TRPM1: variants seen among roughly 807,000 people sequenced by gnomAD.
TRPM1 encodes transient receptor potential cation channel subfamily M member 1.
A neutral mutation model predicts 149.4 loss-of-function variants in TRPM1; 113 were observed. The observed-to-expected ratio is 0.76, with a 90% CI of 0.65 to 0.88. TRPM1 has a LOEUF of 0.88. Ranked by LOEUF, TRPM1 falls within the 40% of genes least tolerant of loss-of-function variation. The pLI is 0.00. For synonymous variants in TRPM1, 741 were observed against 759.5 expected, an observed-to-expected ratio of 0.98 and a Z score of 0.40; for missense variants, 1,976 against 2,038.7, an observed-to-expected ratio of 0.97 and a Z score of 0.59.
At chr15:31,020,161 T>C (rs2032507585) in intron 27 of TRPM1, among the ~76,000 whole-genome samples, 5 of 152,256 alleles carry the variant, frequency 3.3e-5, no homozygotes, top group Admixed American at 3.3e-4. Flanking sequence ...CTGTTTTCTA[T>C]TCAGGCCAGA....
intron 1 of TRPM1, among the ~76,000 whole-genome samples, chr15:31,083,602 G>A (rs1404667354): frequency 1.3e-5 from 2 of 152,166 alleles, no homozygotes; most frequent in African/African-American, 4.8e-5. Flanking sequence ...AGCACAAGCC[G>A]CCCAGCCTTA....
rs17228080 is a variant in TRPM1 at position 31,049,361 on chromosome 15, T to C, written c.1572+14A>G. 0.028 allele frequency: 45,033 copies of C among 1,614,122 alleles called. 1,165 individuals carry two copies. The highest frequency in any genetic ancestry group is 0.13 in the Admixed American group (7,578 of 60,028). ...GCTGCCTCCCGCTTCCTTCCCTTTT[T>C]CTAGAGCACTCACTGTGTTATAAAG... On this transcript the variant is annotated intron_variant, in intron 13 of 27. Coordinates refer to ENST00000256552, the MANE Select transcript of TRPM1 (RefSeq NM_001252024.2).
intron 1 of TRPM1, among the ~76,000 whole-genome samples, chr15:31,083,467 G>A (rs2034916163): frequency 6.6e-6 from 1 of 152,194 alleles, no homozygotes; most frequent in African/African-American, 2.4e-5. Flanking sequence ...TCCCACATGT[G>A]CCCTGACAGC....
intron 7 of TRPM1, among the ~76,000 whole-genome samples, chr15:31,065,801 C>T (rs1436865026): frequency 6.6e-6 from 1 of 152,182 alleles, no homozygotes; most frequent in Non-Finnish European, 1.5e-5. Flanking sequence ...ACAAGAACCA[C>T]TGGGCAACAG....
intron 20 of TRPM1, 79 bp from the exon 21 acceptor site, chr15:31,035,753 G>C (rs2033339881): frequency 4.4e-6 from 7 of 1,593,558 alleles, no homozygotes; most frequent in Non-Finnish European, 6.0e-6. Context: ...TTTCTTTCAG[G>C]TTGACACATC....
intron 1 of TRPM1, among the ~76,000 whole-genome samples, chr15:31,109,008 G>A (rs2141021956): frequency 6.6e-6 from 1 of 152,284 alleles, no homozygotes; most frequent in Non-Finnish European, 1.5e-5. Flanking sequence ...GGTGCTGTGT[G>A]GAGATATGGG....
chr15:31,130,158 G>A (rs1338761841), intron 1 of TRPM1, among the ~76,000 whole-genome samples: 1 of 152,164 alleles, frequency 6.6e-6, no homozygotes, highest in Admixed American at 6.5e-5. Context: ...GTTAATGCCG[G>A]GTGCATTGGG....
At chr15:31,021,802 A>G (rs1310834003) in intron 27 of TRPM1, among the ~76,000 whole-genome samples, 1 of 152,090 alleles carries the variant, frequency 6.6e-6, no homozygotes, top group Non-Finnish European at 1.5e-5. Context: ...AGAAAATGCT[A>G]TTATAGGTTT....
rs755670167 is a variant in TRPM1 at position 31,002,132 on chromosome 15, T to G, written c.4568A>C (p.Gln1523Pro). 1 of 1,614,244 alleles carries G rather than the reference T, an allele frequency of 6.2e-7. No homozygotes were observed. Among genetic ancestry groups the G allele is most frequent in the East Asian group, 2.2e-5 (1 of 44,890 alleles). ...EAAVQAEHKE[Q>P]FADMQDEHHV... is the part of the protein sequence containing the mutation. ...GTGTTCATCTTGCATATCTGCAAAC[T>G]GCTCTTTATGCTCAGCTTGCACTGC... The change falls in exon 28 of 28, where the codon CAG (glutamine) becomes CCG (proline). Residue 1523 changes from glutamine to proline, a missense_variant. Gln to Pro is a moderately conservative substitution (Grantham distance 76). Around this residue, in one of 3 missense-constraint regions of TRPM1, gnomAD observed 572 missense variants for 578.9 expected, o/e 0.99. Transcript: ENST00000256552.
intron 3 of TRPM1, among the ~76,000 whole-genome samples, chr15:31,074,635 G>A (rs1005706362): frequency 4.6e-5 from 7 of 151,988 alleles, no homozygotes; most frequent in African/African-American, 1.7e-4. Context: ...TTAAAGAAGA[G>A]CTTTTAATTT....
chr15:31,074,347 T>A (rs556722399), intron 3 of TRPM1, among the ~76,000 whole-genome samples: 2 of 152,272 alleles, frequency 1.3e-5, no homozygotes, highest in Non-Finnish European at 2.9e-5. Context: ...TTGGACAGTT[T>A]TTTTATTACT....
intron 11 of TRPM1, among the ~76,000 whole-genome samples, chr15:31,056,278 C>T (rs1283147870): frequency 6.6e-6 from 1 of 152,178 alleles, no homozygotes; most frequent in Non-Finnish European, 1.5e-5. Flanking sequence ...GAAAATTTCA[C>T]AGAGCTGATT....
rs1472783707 is a variant in TRPM1 at position 31,066,159 on chromosome 15, T to C, written c.707A>G (p.Asn236Ser). 3 of 1,614,156 alleles carry C rather than the reference T, an allele frequency of 1.9e-6. No individual in the cohort carries two copies. The highest frequency in any genetic ancestry group is 2.5e-6 in the Non-Finnish European group (3 of 1,180,026). ...NSHTHFILAD[N>S]GTLGKYGAEV... Reference sequence around the variant, plus strand: ...GGCGCCATACTTGCCCAGGGTGCCATTGTCAGCCAGGATGAAGTGGGTGTG... The same window carrying C: ...GGCGCCATACTTGCCCAGGGTGCCACTGTCAGCCAGGATGAAGTGGGTGTG... Residue 236 changes from asparagine (N) to serine (S), a missense_variant, in exon 7 of 28, where the codon AAT becomes AGT. Physicochemically the swap from Asn to Ser is conservative, Grantham distance 46. Around this residue, in one of 3 missense-constraint regions of TRPM1, gnomAD observed 1,332 missense variants for 1,347.1 expected, o/e 0.99. Coordinates refer to ENST00000256552, the MANE Select transcript of TRPM1 (RefSeq NM_001252024.2).
chr15:31,087,225 A>G (rs57950082), intron 1 of TRPM1, among the ~76,000 whole-genome samples: 18,847 of 139,918 alleles, frequency 0.13, 1,489 homozygotes, highest in African/African-American at 0.22. Context: ...GCAGGTCTCA[A>G]TAGGGATTTT....
At chr15:31,014,371 C>A (rs1282217825) in intron 27 of TRPM1, among the ~76,000 whole-genome samples, 1 of 152,124 alleles carries the variant, frequency 6.6e-6, no homozygotes, top group Non-Finnish European at 1.5e-5. Flanking sequence ...CCTGTAATTA[C>A]AAAACAAGTA....
At chr15:31,062,897 G>A (rs2034271188) in intron 8 of TRPM1, 195 bp from the exon 9 acceptor site, 3 of 966,544 alleles carry the variant, frequency 3.1e-6, no homozygotes, top group African/African-American at 1.6e-5. Flanking sequence ...CTTTCTAAGG[G>A]CAAATGAAGT....
intron 1 of TRPM1, among the ~76,000 whole-genome samples, chr15:31,088,558 C>T (rs551953480): frequency 1.8e-4 from 27 of 152,308 alleles, no homozygotes; most frequent in African/African-American, 5.5e-4. Flanking sequence ...CTGCAAAAGT[C>T]TGCGGCTTCA....
At position 31,013,319 on chromosome 15, in the gene TRPM1, T is replaced by A. The variant is rs531131097; in HGVS notation, c.3630-10249A>T. On this transcript the variant is annotated intron_variant, in intron 27 of 27. Coordinates refer to ENST00000256552, the MANE Select transcript of TRPM1 (RefSeq NM_001252024.2). ...AGTCACTGTGCCTGACCTATTTTTT[T>A]AAAAATATATATAATTTCTACCTCT... Among the ~76,000 whole-genome samples the A allele has an allele frequency of 6.5e-4, 99 of 152,174 alleles. 1 individual carries two copies. The Middle Eastern group carries it at 0.01, about 16-fold the overall frequency.
intron 2 of TRPM1, among the ~76,000 whole-genome samples, chr15:31,080,972 C>T (rs1163696516): frequency 6.6e-6 from 1 of 152,132 alleles, no homozygotes; most frequent in East Asian, 1.9e-4. Context: ...GAGGGAGCAA[C>T]AACGTGCCCC....
Sources: allele counts gnomAD v4.1 joint callset (sites outside exome capture counted in the v4.1 genomes callset), GRCh38; gene constraint gnomAD v4.1.1; regional missense constraint gnomAD v4.1.1; transcripts MANE v1.5; gene names NCBI Gene and HGNC (gene_info 2026-07-23, HGNC 2026-07-21).